The following DYM variants were observed in gnomAD, a reference collection of about 807,000 sequenced individuals.
DYM encodes dyggve-Melchior-Clausen syndrome protein.
DYM carries 78 observed loss-of-function variants against 93.1 expected under a neutral mutation model. That is an observed-to-expected ratio of 0.84 (90% CI 0.70 to 1.01). The LOEUF is 1.01. Among genes scored for constraint, DYM ranks in the 50% least tolerant of loss-of-function variants. DYM has a pLI of 0.00. For missense variants in DYM, 789 were observed against 845.0 expected, an observed-to-expected ratio of 0.93 and a Z score of 0.82; for synonymous variants, 321 against 319.7, an observed-to-expected ratio of 1.00 and a Z score of -0.04.
intron 14 of DYM, among the ~76,000 whole-genome samples, chr18:49,183,332 C>T (rs902492727): frequency 9.9e-5 from 15 of 152,222 alleles, no homozygotes; most frequent in Non-Finnish European, 1.3e-4. Flanking sequence ...TTCCAGAAAA[C>T]GTTGTGGCAC....
chr18:49,234,211 T>C (rs1447547425), intron 13 of DYM, among the ~76,000 whole-genome samples: 1 of 151,904 alleles, frequency 6.6e-6, no homozygotes, highest in Admixed American at 6.6e-5. Flanking sequence ...TCTCAACACT[T>C]TGGGAGGTCG....
At chr18:49,205,292 G>A (rs1026809957) in intron 14 of DYM, among the ~76,000 whole-genome samples, 3 of 152,140 alleles carry the variant, frequency 2.0e-5, no homozygotes, top group Admixed American at 6.5e-5. Context: ...AAGAACAAAT[G>A]TAAAGCCCTG....
At chr18:49,181,578 C>A (rs1006199073) in intron 14 of DYM, among the ~76,000 whole-genome samples, 2 of 152,158 alleles carry the variant, frequency 1.3e-5, no homozygotes, top group African/African-American at 4.8e-5. Flanking sequence ...ATCCAAAATG[C>A]TCCAGTGAAT....
intron 3 of DYM, among the ~76,000 whole-genome samples, chr18:49,382,967 G>A (rs1367289632): frequency 6.6e-6 from 1 of 152,164 alleles, no homozygotes; most frequent in African/African-American, 2.4e-5. Flanking sequence ...AAAGACTCAT[G>A]AGCTCTAAAA....
intron 16 of DYM, among the ~76,000 whole-genome samples, chr18:49,103,732 C>T (rs1212614941): frequency 2.3e-4 from 35 of 152,004 alleles, no homozygotes; most frequent in Non-Finnish European, 4.7e-4. Context: ...AGATATGCGG[C>T]GTTATTTCTG....
intron 3 of DYM, among the ~76,000 whole-genome samples, chr18:49,386,835 A>G (rs567379231): frequency 2.0e-5 from 3 of 152,102 alleles, no homozygotes; most frequent in Non-Finnish European, 2.9e-5. Context: ...GTTTGTGGCA[A>G]CCTTGCAGTG....
chr18:49,354,623 GACTA>G (rs1000447300), intron 6 of DYM, among the ~76,000 whole-genome samples: 12 of 152,036 alleles, frequency 7.9e-5, no homozygotes, highest in African/African-American at 2.9e-4. Flanking sequence ...GTGGACCAAA[GACTA>G]ACAGATATAT....
chr18:49,221,864 A>C (rs989501574), intron 13 of DYM, among the ~76,000 whole-genome samples: 7 of 152,146 alleles, frequency 4.6e-5, no homozygotes, highest in Non-Finnish European at 8.8e-5. Flanking sequence ...TATGTAACTA[A>C]GCTGCACATT....
intron 8 of DYM, among the ~76,000 whole-genome samples, chr18:49,293,384 T>G (rs2060301791): frequency 6.6e-6 from 1 of 152,214 alleles, no homozygotes; most frequent in Admixed American, 6.5e-5. Context: ...TGGTTCTAGA[T>G]CCTTGAGGAA....
chr18:49,424,439 T>C lies in DYM; in HGVS notation c.140+5816A>G, dbSNP rs1198643294. On this transcript the variant is annotated intron_variant, in intron 2 of 17. Coordinates refer to ENST00000675505, the MANE Select transcript of DYM (RefSeq NM_001353214.3). ...ATTTATGACAAACCCTCCACCAATA[T>C]TGTACTGACTGGCAAAAACTGGAAG... Among the ~76,000 whole-genome samples the C allele has an allele frequency of 3.3e-5, 5 of 152,130 alleles. No individual in the cohort carries two copies. In the East Asian group the frequency reaches 7.7e-4, roughly 23 times the overall value.
At chr18:49,380,616 AAGC>A (rs2067955361) in intron 3 of DYM, among the ~76,000 whole-genome samples, 1 of 152,226 alleles carries the variant, frequency 6.6e-6, no homozygotes, top group Non-Finnish European at 1.5e-5. Flanking sequence ...TGCTAGGTTG[AAGC>A]AACCTCTATA....
chr18:49,044,164 T>G lies in DYM; in HGVS notation c.2066A>C (p.Gln689Pro). The G allele has an allele frequency of 6.2e-7, 1 of 1,614,218 alleles. No individual in the cohort carries two copies. Among genetic ancestry groups the G allele is most frequent in the Non-Finnish European group, 8.5e-7 (1 of 1,180,042 alleles). ...ATAGGGGATAAAAAACTCCTCGGGC[T>G]GCTCCTCTTCCACATATTTGAATTT... The part of the protein sequence containing the change: ...ELKFKYVEEE[Q>P]PEEFFIPYVW... The change falls in exon 18 of 18, where the codon CAG becomes CCG. Residue 689 changes from glutamine (Q) to proline (P), a missense_variant. Transcript: ENST00000675505.
intron 8 of DYM, among the ~76,000 whole-genome samples, chr18:49,292,355 G>GACAGACAGACACACAC (rs769423170): frequency 2.4e-5 from 2 of 84,740 alleles, no homozygotes; most frequent in African/African-American, 7.4e-5. Context: ...CAGACAGACA[G>GACAGACAGACACACAC]ACACACACAC....
At position 49,428,427 on chromosome 18, in the gene DYM, G is replaced by A. The variant is rs1056527926; in HGVS notation, c.140+1828C>T. Among the ~76,000 whole-genome samples, 6 of 152,160 alleles carry A rather than the reference G, an allele frequency of 3.9e-5. No homozygotes were observed. In the South Asian group the frequency reaches 6.2e-4, roughly 16 times the overall value. On this transcript the variant is annotated intron_variant, in intron 2 of 17. Transcript: ENST00000675505. ...TGGCTGGACGCAGTGTCTCACGCCT[G>A]TAATCCCAGCACTTTGGGAGGCTGA...
intron 2 of DYM, among the ~76,000 whole-genome samples, chr18:49,423,084 A>G (rs899316390): frequency 2.6e-5 from 4 of 152,214 alleles, no homozygotes; most frequent in Non-Finnish European, 5.9e-5. Context: ...AAATCAACAG[A>G]ATATACATTC....
chr18:49,042,891 T>C lies in DYM; in HGVS notation c.*1164A>G, dbSNP rs1318522029. The stretch of plus-strand genomic sequence containing the variant: ...CGGCCCAGAAACAAAGAGCAAAACA[T>C]GCTTTTCATCCCACGTGGAATACAG... On this transcript the variant is annotated 3_prime_UTR_variant, in exon 18 of 18. Coordinates refer to ENST00000675505, the MANE Select transcript of DYM (RefSeq NM_001353214.3). The C allele has an allele frequency of 6.6e-6, 1 of 152,184 alleles. No homozygotes were observed. The highest frequency in any genetic ancestry group is 1.5e-5 in the Non-Finnish European group (1 of 68,026). 9.4% of individuals were successfully genotyped at this position (152,184 alleles called of 1,614,324 possible).
intron 8 of DYM, among the ~76,000 whole-genome samples, chr18:49,330,126 A>G (rs1396480913): frequency 6.6e-6 from 1 of 152,214 alleles, no homozygotes; most frequent in Non-Finnish European, 1.5e-5. Context: ...AGTCACACAT[A>G]TCATGAAATA....
At chr18:49,128,589 T>A (rs2083060323) in intron 15 of DYM, among the ~76,000 whole-genome samples, 1 of 152,146 alleles carries the variant, frequency 6.6e-6, no homozygotes. Flanking sequence ...TGAGTTACAG[T>A]TTTTATTTGC....
At chr18:49,262,312 G>C (rs2094502322) in intron 11 of DYM, among the ~76,000 whole-genome samples, 2 of 152,150 alleles carry the variant, frequency 1.3e-5, no homozygotes, top group Non-Finnish European at 2.9e-5. Context: ...AGAGCCTTCA[G>C]AGAGAGCATG....
Sources: gnomAD v4.1 joint callset for allele counts (sites outside exome capture counted in the v4.1 genomes callset) on GRCh38, gnomAD v4.1.1 for gene constraint, MANE v1.5 for transcripts, NCBI Gene and HGNC (gene_info 2026-07-23, HGNC 2026-07-21) for gene names.